Variants in EMCN observed in about 807,000 individuals in gnomAD.
EMCN encodes the protein MUC-14.
A neutral mutation model predicts 38.4 loss-of-function variants in EMCN; 37 were observed. The ratio of observed to expected loss-of-function variants is 0.96; its 90% confidence interval spans 0.74 to 1.27. The LOEUF is 1.27. Ranked by LOEUF, EMCN falls within the 50% of genes most tolerant of loss-of-function variation. The pLI is 0.00. For synonymous variants in EMCN, 95 were observed against 100.8 expected, an observed-to-expected ratio of 0.94 and a Z score of 0.35; for missense variants, 318 against 302.8, an observed-to-expected ratio of 1.05 and a Z score of -0.37.
chr4:100,396,440 A>G lies in EMCN; in HGVS notation c.*1973T>C, dbSNP rs982864561. ...TTACTTATAATTTAAATTGCAGAAG[A>G]GTTCATTTCTTTGGAATATGCTGTA... On this transcript the variant is annotated 3_prime_UTR_variant, in exon 12 of 12. Coordinates refer to ENST00000296420, the MANE Select transcript of EMCN (RefSeq NM_016242.4). 1.3e-5 allele frequency: 2 copies of G among 151,674 alleles called. No individual in the cohort carries two copies. The highest frequency in any genetic ancestry group is 1.3e-4 in the Admixed American group (2 of 15,214). The allele number at this position is 151,674 out of a possible 1,614,324, so 9.4% of individuals were successfully genotyped here. A position where few individuals can be genotyped will look rare whatever the true frequency, so the allele number is the denominator to read the frequency against.
intron 1 of EMCN, among the ~76,000 whole-genome samples, chr4:100,498,584 C>T (rs568772929): frequency 1.3e-5 from 2 of 151,826 alleles, no homozygotes; most frequent in Non-Finnish European, 1.5e-5. Context: ...TGGGTTCAAG[C>T]GATTCTCCTG....
At chr4:100,484,367 GC>G (rs1450726574) in intron 1 of EMCN, among the ~76,000 whole-genome samples, 1 of 152,046 alleles carries the variant, frequency 6.6e-6, no homozygotes, top group African/African-American at 2.4e-5. Flanking sequence ...TAATTACAAA[GC>G]ATGTCTAATC....
chr4:100,464,114 G>T (rs1011689229), intron 4 of EMCN, among the ~76,000 whole-genome samples: 2 of 151,658 alleles, frequency 1.3e-5, no homozygotes, highest in African/African-American at 2.4e-5. Context: ...TATAAATCTT[G>T]CACTTCTATT....
intron 5 of EMCN, among the ~76,000 whole-genome samples, chr4:100,433,384 C>T (rs776100681): frequency 1.3e-5 from 2 of 152,044 alleles, no homozygotes; most frequent in African/African-American, 2.4e-5. Flanking sequence ...TTAGTTTCTA[C>T]GTCTTGGCTG....
rs909696363 is a variant in EMCN at position 100,415,751 on chromosome 4, TG to T, written c.751+146del. ...ATTGGTAAGATTTTTCTTTCCTTCA[TG>T]GGAGAATTTTACACTTATTGACAGT... On this transcript the variant is annotated intron_variant, in intron 10 of 11. Transcript: ENST00000296420. 4 of 558,874 alleles carry T rather than the reference TG, an allele frequency of 7.2e-6. No individual in the cohort carries two copies. In the African/African-American group the frequency reaches 7.9e-5, roughly 11 times the overall value. 34.6% of individuals were successfully genotyped at this position (558,874 alleles called of 1,614,324 possible).
At chr4:100,506,459 G>A (rs1356591017) in intron 1 of EMCN, among the ~76,000 whole-genome samples, 2 of 151,948 alleles carry the variant, frequency 1.3e-5, no homozygotes, top group African/African-American at 4.8e-5. Flanking sequence ...GGATAAGGTA[G>A]GGTTTAAATG....
At chr4:100,446,031 T>C (rs1487492114) in intron 5 of EMCN, 3 of 979,844 alleles carry the variant, frequency 3.1e-6, no homozygotes, top group Non-Finnish European at 2.4e-6. Context: ...TAAATAAAAT[T>C]TATTTAAACA....
intron 1 of EMCN, among the ~76,000 whole-genome samples, chr4:100,503,922 G>A (rs1380114411): frequency 6.6e-6 from 1 of 152,096 alleles, no homozygotes; most frequent in Non-Finnish European, 1.5e-5. Flanking sequence ...CACAATATGT[G>A]AATACTAAAG....
At chr4:100,495,146 T>C (rs1729178718) in intron 1 of EMCN, among the ~76,000 whole-genome samples, 1 of 152,078 alleles carries the variant, frequency 6.6e-6, no homozygotes, top group African/African-American at 2.4e-5. Flanking sequence ...TTTTTGAGCA[T>C]AGAATAAGTC....
chr4:100,466,711 C>G (rs1226488565), intron 3 of EMCN, among the ~76,000 whole-genome samples: 1 of 152,132 alleles, frequency 6.6e-6, no homozygotes, highest in Non-Finnish European at 1.5e-5. Flanking sequence ...AGCAAGAAAG[C>G]AGAAGTTGGT....
chr4:100,513,792 T>C (rs1250371017), intron 1 of EMCN, among the ~76,000 whole-genome samples: 1 of 152,148 alleles, frequency 6.6e-6, no homozygotes, highest in Non-Finnish European at 1.5e-5. Flanking sequence ...GAAATTAAAA[T>C]ATGAAAATAA....
rs773147816 is a variant in EMCN at position 100,479,908 on chromosome 4, T to G, written c.187+9A>C. The G allele has an allele frequency of 4.4e-6, 7 of 1,598,944 alleles. No homozygotes were observed. The South Asian group carries it at 8.0e-5, about 18-fold the overall frequency. ...AAGTTAAACTAAATTTACTAACAGT[T>G]AATCCTACCTTTAGGAGTTGTTCCA... On this transcript the variant is annotated intron_variant, in intron 2 of 11. Transcript: ENST00000296420.
chr4:100,479,949 A>G lies in EMCN; in HGVS notation c.155T>C (p.Val52Ala), dbSNP rs565123985. 282 of 1,609,436 alleles carry G rather than the reference A, an allele frequency of 1.8e-4. 1 individual carries two copies. The South Asian group carries it at 3.0e-3, about 17-fold the overall frequency. Residue 52 changes from valine (V) to alanine (A), a missense_variant, in exon 2 of 12, where the codon GTT becomes GCT. By Grantham distance (64) the Val-to-Ala change is moderately conservative. Transcript: ENST00000296420. ...TPNTESLQKN[V>A]VTPTTGTTPK... ...AGTTGTTCCAGTTGTTGGTGTGACA[A>G]CATTTTTCTGTAATGATTCTGTGTT...
At chr4:100,415,620 T>C (rs1006620400) in intron 10 of EMCN, among the ~76,000 whole-genome samples, 3 of 152,192 alleles carry the variant, frequency 2.0e-5, no homozygotes, top group African/African-American at 7.2e-5. Flanking sequence ...AATTTTGGTA[T>C]CTTTCTGCCA....
intron 3 of EMCN, among the ~76,000 whole-genome samples, chr4:100,467,237 T>C (rs553943660): frequency 6.6e-6 from 1 of 152,256 alleles, no homozygotes; most frequent in Admixed American, 6.5e-5. Flanking sequence ...ATCAAAATGT[T>C]TTAAAATATT....
At chr4:100,424,006 C>T (rs1553927173) in intron 5 of EMCN, among the ~76,000 whole-genome samples, 2 of 151,212 alleles carry the variant, frequency 1.3e-5, no homozygotes, top group Non-Finnish European at 2.9e-5. Context: ...CATCCGTGCT[C>T]TTTTTTTTCC....
rs192504662 is a variant in EMCN at position 100,502,611 on chromosome 4, T to C, written c.64+15240A>G. 3.1e-3 allele frequency among the ~76,000 whole-genome samples: 469 copies of C among 152,342 alleles called. 2 individuals carry two copies. Among genetic ancestry groups the C allele is most frequent in the Admixed American group, 6.0e-3 (92 of 15,300 alleles). On this transcript the variant is annotated intron_variant, in intron 1 of 11. Transcript: ENST00000296420. ...TCATGTTTTACAGCATTAGCTAGGATATTTTGTACAAAGTTTTATAAAAGT... is the reference window on the plus strand; with the variant it reads ...TCATGTTTTACAGCATTAGCTAGGACATTTTGTACAAAGTTTTATAAAAGT...
At chr4:100,452,465 T>C (rs1727870146) in intron 4 of EMCN, among the ~76,000 whole-genome samples, 3 of 152,062 alleles carry the variant, frequency 2.0e-5, no homozygotes, top group Admixed American at 1.3e-4. Context: ...CTTGCTTTAG[T>C]AGAGTTCTAT....
chr4:100,474,325 C>G (rs1728575426), intron 3 of EMCN, among the ~76,000 whole-genome samples: 1 of 152,118 alleles, frequency 6.6e-6, no homozygotes, highest in Admixed American at 6.5e-5. Flanking sequence ...TACCAGTTCA[C>G]ACCCACTGAG....
Sources: gnomAD v4.1 joint callset for allele counts (sites outside exome capture counted in the v4.1 genomes callset) on GRCh38, gnomAD v4.1.1 for gene constraint, MANE v1.5 for transcripts, NCBI Gene and HGNC (gene_info 2026-07-23, HGNC 2026-07-21) for gene names.